Variants in LARGE1 observed in about 807,000 individuals in gnomAD.
The protein encoded by LARGE1 is xylosyl- and glucuronyltransferase LARGE1.
In LARGE1, 43 loss-of-function variants were observed where a neutral mutation model predicts 87.6. That is an observed-to-expected ratio of 0.49 (90% CI 0.38 to 0.63). The LOEUF is 0.63. LARGE1 is among the 30% of genes least tolerant of loss of function. LARGE1 has a pLI of 0.00. For synonymous variants in LARGE1, 434 were observed against 394.6 expected, an observed-to-expected ratio of 1.10 and a Z score of -1.18; for missense variants, 802 against 1,000.2, an observed-to-expected ratio of 0.80 and a Z score of 2.67.
At chr22:33,820,354 C>G (rs1049146075) in intron 1 of LARGE1, among the ~76,000 whole-genome samples, 2 of 152,124 alleles carry the variant, frequency 1.3e-5, no homozygotes, top group African/African-American at 4.8e-5. Context: ...CAGGGTCTCA[C>G]TTTGTCACCC....
chr22:33,822,401 A>C (rs2086851121), intron 1 of LARGE1, among the ~76,000 whole-genome samples: 1 of 152,192 alleles, frequency 6.6e-6, no homozygotes, highest in African/African-American at 2.4e-5. Context: ...GCCCAGGCAC[A>C]GTAAGAGCTT....
At chr22:33,361,908 T>C (rs1402644846) in intron 9 of LARGE1, among the ~76,000 whole-genome samples, 2 of 149,318 alleles carry the variant, frequency 1.3e-5, no homozygotes, top group East Asian at 1.9e-4. Flanking sequence ...TCTGGGACTC[T>C]AGAAACCCCT....
chr22:33,519,626 C>G (rs2071475937), intron 6 of LARGE1, among the ~76,000 whole-genome samples: 1 of 152,136 alleles, frequency 6.6e-6, no homozygotes, highest in Non-Finnish European at 1.5e-5. Flanking sequence ...ATGATTCTCT[C>G]CCAGCTTTCT....
chr22:33,482,714 A>T (rs910970330), intron 6 of LARGE1, among the ~76,000 whole-genome samples: 1 of 152,306 alleles, frequency 6.6e-6, no homozygotes, highest in South Asian at 2.1e-4. Context: ...ATAATAATAA[A>T]AAAAAACACC....
chr22:33,468,224 C>G (rs919468753), intron 6 of LARGE1, among the ~76,000 whole-genome samples: 1 of 152,130 alleles, frequency 6.6e-6, no homozygotes, highest in African/African-American at 2.4e-5. Flanking sequence ...ACAATTCACC[C>G]CTCTCAAGCC....
chr22:33,139,646 T>G, the LARGE1 span, among the ~76,000 whole-genome samples: 4 of 152,344 alleles, frequency 2.6e-5, no homozygotes, highest in East Asian at 7.7e-4. Flanking sequence ...TTTTATTTTA[T>G]AATTTATATC....
At chr22:33,531,870 C>A (rs763967736) in intron 6 of LARGE1, among the ~76,000 whole-genome samples, 1 of 152,174 alleles carries the variant, frequency 6.6e-6, no homozygotes, top group Non-Finnish European at 1.5e-5. Context: ...TCAGGCTGCC[C>A]GGAACAAGAG....
intron 9 of LARGE1, among the ~76,000 whole-genome samples, chr22:33,340,370 C>T (rs1939010845): frequency 6.6e-6 from 1 of 151,832 alleles, no homozygotes; most frequent in South Asian, 2.1e-4. Flanking sequence ...GCCACATAAG[C>T]TGAACCCTGA....
chr22:33,828,738 A>G (rs570938528), intron 1 of LARGE1, among the ~76,000 whole-genome samples: 9 of 152,348 alleles, frequency 5.9e-5, no homozygotes, highest in Admixed American at 1.3e-4. Flanking sequence ...GAATTACTAA[A>G]TGAATGCATG....
At chr22:33,553,201 T>C (rs2283916) in intron 6 of LARGE1, among the ~76,000 whole-genome samples, 69,005 of 152,046 alleles carry the variant, frequency 0.45, 15,943 homozygotes, top group Admixed American at 0.53. Context: ...AGCCATCTTA[T>C]TGTGATTACA....
intron 8 of LARGE1, among the ~76,000 whole-genome samples, chr22:33,382,613 G>C (rs1179150005): frequency 6.6e-6 from 1 of 152,162 alleles, no homozygotes; most frequent in Non-Finnish European, 1.5e-5. Context: ...GACTTGTCTA[G>C]GGAGGTTTTA....
chr22:33,466,126 A>C (rs1368872505), intron 6 of LARGE1, among the ~76,000 whole-genome samples: 3 of 151,942 alleles, frequency 2.0e-5, no homozygotes, highest in African/African-American at 7.3e-5. Context: ...TGGACTTTCC[A>C]CCCTTCCAAG....
intron 9 of LARGE1, 36 bp from the exon 10 acceptor site, chr22:33,337,837 G>T (rs368360029): frequency 4.1e-5 from 66 of 1,611,246 alleles, no homozygotes; most frequent in Non-Finnish European, 5.4e-5. Context: ...AGGTATGGCA[G>T]GGGTGGGGTG....
intron 4 of LARGE1, among the ~76,000 whole-genome samples, chr22:33,616,258 G>C (rs2079576455): frequency 6.6e-6 from 1 of 152,176 alleles, no homozygotes; most frequent in East Asian, 1.9e-4. Context: ...TGTAATCCCA[G>C]CACTTTGGGA....
At chr22:33,867,118 T>C (rs1197901529) in intron 1 of LARGE1, among the ~76,000 whole-genome samples, 1 of 152,114 alleles carries the variant, frequency 6.6e-6, no homozygotes, top group African/African-American at 2.4e-5. Context: ...GGCTCAATAA[T>C]GCACAAGCAA....
intron 6 of LARGE1, among the ~76,000 whole-genome samples, chr22:33,470,160 G>A (rs2068773041): frequency 1.3e-5 from 2 of 152,006 alleles, no homozygotes; most frequent in Admixed American, 1.3e-4. Flanking sequence ...AAAGTGCTGG[G>A]ATTACAGGCA....
chr22:33,596,670 A>C (rs2078984232), intron 5 of LARGE1, among the ~76,000 whole-genome samples: 1 of 152,100 alleles, frequency 6.6e-6, no homozygotes, highest in South Asian at 2.1e-4. Flanking sequence ...TCATTGTTGG[A>C]GGAGAAGAGG....
the LARGE1 span, among the ~76,000 whole-genome samples, chr22:33,134,590 T>C: frequency 1.3e-5 from 2 of 152,164 alleles, no homozygotes; most frequent in African/African-American, 4.8e-5. Flanking sequence ...TTCTATGTTT[T>C]AGGATAGTGG....
intron 6 of LARGE1, among the ~76,000 whole-genome samples, chr22:33,527,006 C>T (rs1012143958): frequency 6.0e-4 from 91 of 152,318 alleles, no homozygotes; most frequent in African/African-American, 2.1e-3. Context: ...CCTGTAATCG[C>T]AGCACTTTGA....
Sources: gnomAD v4.1 joint callset for allele counts (sites outside exome capture counted in the v4.1 genomes callset) on GRCh38, gnomAD v4.1.1 for gene constraint, MANE v1.5 for transcripts, NCBI Gene and HGNC (gene_info 2026-07-23, HGNC 2026-07-21) for gene names.